Variants in KCNMB2 observed in about 807,000 individuals in gnomAD.
KCNMB2 encodes the protein potassium calcium-activated channel subfamily M regulatory beta subunit 2, also known as calcium-activated potassium channel subunit beta-2.
A neutral mutation model predicts 24.5 loss-of-function variants in KCNMB2; 9 were observed. The ratio of observed to expected loss-of-function variants is 0.37; its 90% confidence interval spans 0.22 to 0.64. The LOEUF is 0.64. KCNMB2 is among the 30% of genes least tolerant of loss of function. The pLI, the probability that KCNMB2 is intolerant of heterozygous loss-of-function variation, is 0.63. For synonymous variants in KCNMB2, 109 were observed against 104.4 expected, an observed-to-expected ratio of 1.04 and a Z score of -0.27; for missense variants, 226 against 284.3, an observed-to-expected ratio of 0.79 and a Z score of 1.47.
At chr3:178,784,672 T>C (rs1327275260) in intron 1 of KCNMB2, among the ~76,000 whole-genome samples, 1 of 152,058 alleles carries the variant, frequency 6.6e-6, no homozygotes, top group Non-Finnish European at 1.5e-5. Context: ...GGTTTTTCTT[T>C]GACCTGTAGC....
intron 1 of KCNMB2, among the ~76,000 whole-genome samples, chr3:178,553,537 CTTTT>C: frequency 7.2e-6 from 1 of 139,100 alleles, no homozygotes; most frequent in African/African-American, 2.6e-5. Flanking sequence ...AGAGAGATTC[CTTTT>C]TTTTTTTTTT....
chr3:178,672,727 T>G (rs1263075718), intron 1 of KCNMB2, among the ~76,000 whole-genome samples: 1 of 152,162 alleles, frequency 6.6e-6, no homozygotes, highest in East Asian at 1.9e-4. Flanking sequence ...CTTCAATATT[T>G]TTACTAGGGA....
At chr3:178,655,701 G>C in intron 1 of KCNMB2, among the ~76,000 whole-genome samples, 1 of 152,310 alleles carries the variant, frequency 6.6e-6, no homozygotes, top group Non-Finnish European at 1.5e-5. Flanking sequence ...TCAGAGGCCA[G>C]GAACGCCCAG....
At chr3:178,632,350 A>G (rs1190479679) in intron 1 of KCNMB2, among the ~76,000 whole-genome samples, 1 of 152,176 alleles carries the variant, frequency 6.6e-6, no homozygotes, top group African/African-American at 2.4e-5. Flanking sequence ...ATAAAGATAT[A>G]CCTGACACTG....
intron 1 of KCNMB2, among the ~76,000 whole-genome samples, chr3:178,688,787 CA>C (rs1201080450): frequency 6.6e-6 from 1 of 151,424 alleles, no homozygotes; most frequent in Non-Finnish European, 1.5e-5. Flanking sequence ...GTGGAAGGGC[CA>C]AAAGAAAGTT....
chr3:178,778,657 T>C (rs1276328920), intron 1 of KCNMB2, among the ~76,000 whole-genome samples: 3 of 152,142 alleles, frequency 2.0e-5, no homozygotes, highest in Non-Finnish European at 2.9e-5. Flanking sequence ...TAATATTTGA[T>C]GTTACAGTTT....
At chr3:178,815,422 C>A (rs1714366696) in intron 2 of KCNMB2, among the ~76,000 whole-genome samples, 1 of 152,112 alleles carries the variant, frequency 6.6e-6, no homozygotes, top group Non-Finnish European at 1.5e-5. Context: ...CCTCACCCAG[C>A]CTAAATTTTC....
At chr3:178,616,164 G>A (rs1718697907) in intron 1 of KCNMB2, among the ~76,000 whole-genome samples, 1 of 152,132 alleles carries the variant, frequency 6.6e-6, no homozygotes, top group Non-Finnish European at 1.5e-5. Flanking sequence ...CAATCCCTTG[G>A]CAGCCCCAGC....
intron 1 of KCNMB2, among the ~76,000 whole-genome samples, chr3:178,664,146 A>G (rs568957762): frequency 5.9e-5 from 9 of 152,224 alleles, no homozygotes; most frequent in African/African-American, 2.2e-4. Context: ...CATTCAGAGA[A>G]GTTTCATGTG....
chr3:178,681,267 A>G (rs929764735), intron 1 of KCNMB2, among the ~76,000 whole-genome samples: 1 of 73,062 alleles, frequency 1.4e-5, no homozygotes, highest in African/African-American at 8.6e-5. Context: ...TTAGCCAAAT[A>G]GTATAACAAT....
chr3:178,719,726 TA>T (rs927744846), intron 1 of KCNMB2, among the ~76,000 whole-genome samples: 53 of 152,330 alleles, frequency 3.5e-4, no homozygotes, highest in African/African-American at 1.1e-3. Flanking sequence ...TTTTTCTCTT[TA>T]AAAAATAACA....
chr3:178,757,124 A>G (rs1269447549), intron 1 of KCNMB2: 4 of 149,914 alleles, frequency 2.7e-5, no homozygotes, highest in Non-Finnish European at 4.4e-5. Flanking sequence ...TTTCTCCTTA[A>G]GTTTATTTCC....
chr3:178,553,631 GT>G (rs1478527276), intron 1 of KCNMB2, among the ~76,000 whole-genome samples: 4 of 151,768 alleles, frequency 2.6e-5, no homozygotes, highest in Non-Finnish European at 5.9e-5. Context: ...TCGTCTCCTG[GT>G]TTCAAGTGAT....
At chr3:178,552,519 G>A (rs1173331263) in intron 1 of KCNMB2, among the ~76,000 whole-genome samples, 1 of 151,912 alleles carries the variant, frequency 6.6e-6, no homozygotes, top group East Asian at 1.9e-4. Flanking sequence ...GGTACTATAA[G>A]CTTTATTTCC....
At chr3:178,783,556 T>G (rs1254616679) in intron 1 of KCNMB2, among the ~76,000 whole-genome samples, 2 of 148,042 alleles carry the variant, frequency 1.4e-5, no homozygotes, top group Non-Finnish European at 3.0e-5. Context: ...TTGAAGCAAT[T>G]GTGAATGGGA....
intron 1 of KCNMB2, among the ~76,000 whole-genome samples, chr3:178,613,537 T>G (rs2108518512): frequency 6.6e-6 from 1 of 152,298 alleles, no homozygotes; most frequent in African/African-American, 2.4e-5. Flanking sequence ...ATGAAATTCC[T>G]CCCCTTTTGT....
intron 1 of KCNMB2, among the ~76,000 whole-genome samples, chr3:178,587,425 A>T (rs959097456): frequency 1.3e-5 from 2 of 151,496 alleles, no homozygotes; most frequent in Non-Finnish European, 2.9e-5. Context: ...TTTTCCAGTA[A>T]TTTTTTCTTT....
At chr3:178,738,184 G>C (rs886580869) in intron 1 of KCNMB2, among the ~76,000 whole-genome samples, 1 of 151,924 alleles carries the variant, frequency 6.6e-6, no homozygotes, top group African/African-American at 2.4e-5. Context: ...CAGAAACATA[G>C]CAGTAATCCT....
At chr3:178,577,826 G>T (rs1241433112) in intron 1 of KCNMB2, among the ~76,000 whole-genome samples, 4 of 152,016 alleles carry the variant, frequency 2.6e-5, no homozygotes, top group African/African-American at 2.4e-5. Flanking sequence ...CAAGACTAGA[G>T]AAAAAAGAAT....
Sources: allele counts gnomAD v4.1 joint callset (sites outside exome capture counted in the v4.1 genomes callset), GRCh38; gene constraint gnomAD v4.1.1; transcripts MANE v1.5; gene names NCBI Gene and HGNC (gene_info 2026-07-23, HGNC 2026-07-21).